PEG3: variants seen among roughly 807,000 people sequenced by gnomAD.
The protein encoded by PEG3 is paternally-expressed gene 3 protein.
A neutral mutation model predicts 35.5 loss-of-function variants in PEG3; 23 were observed. The observed-to-expected ratio is 0.65, with a 90% confidence interval of 0.47 to 0.92. The LOEUF is 0.92. Among genes scored for constraint, PEG3 ranks in the 40% least tolerant of loss-of-function variants. PEG3 has a pLI of 0.00. For missense variants in PEG3, 1,960 were observed against 1,985.3 expected (o/e 0.99, Z 0.24); for synonymous variants, 707 against 697.0 (o/e 1.01, Z -0.23).
Position 56,814,433 on chromosome 19 carries a change from A to C in PEG3, c.4009T>G (p.Cys1337Gly). 1.2e-6 allele frequency: 2 copies of C among 1,614,050 alleles called. No individual in the cohort carries two copies. The highest frequency in any genetic ancestry group is 1.7e-6 in the Non-Finnish European group (2 of 1,179,884). Residue 1337 changes from cysteine to glycine, a missense_variant, in exon 10 of 10, where the codon TGT becomes GGT. By Grantham distance (159) the Cys-to-Gly change is radical. Around this residue, in one of 5 missense-constraint regions of PEG3, gnomAD observed 416 missense variants for 416.7 expected, o/e 1.00. Coordinates refer to ENST00000326441, the MANE Select transcript of PEG3 (RefSeq NM_006210.3). The surrounding 1 kb of genome is among the most constrained non-coding windows in gnomAD (Gnocchi z 5.8). ...GAIPFYECKD[C>G]GKSFIHSTVL... ...GTGCTATGAATAAAGGACTTACCAC[A>C]ATCCTTGCATTCATAGAATGGTATA... is the stretch of plus-strand genomic sequence containing the variant.
At position 56,815,407 on chromosome 19, in the gene PEG3, G is replaced by A. The variant is rs757199235; in HGVS notation, c.3035C>T (p.Pro1012Leu). The A allele has an allele frequency of 1.9e-6, 3 of 1,614,164 alleles. No homozygotes were observed. The South Asian group carries it at 3.3e-5, about 18-fold the overall frequency. Residue 1012 changes from proline to leucine, a missense_variant, in exon 10 of 10, where the codon CCT (proline) becomes CTT (leucine). Coordinates refer to ENST00000326441, the MANE Select transcript of PEG3 (RefSeq NM_006210.3). ...YEWSVIRSLA[P>L]TDPQTSYAQE... ...GGCGTAACTTGTTTGAGGGTCAGTAGGGGCCAAGCTGCGAATGACAGACCA... is the reference window on the plus strand; with the variant it reads ...GGCGTAACTTGTTTGAGGGTCAGTAAGGGCCAAGCTGCGAATGACAGACCA...
rs575139140 is a variant in PEG3, at chr19:56,815,643, C to T, written c.2799G>A (p.Gln933=). The T allele has an allele frequency of 1.9e-6, 3 of 1,614,178 alleles. No individual in the cohort carries two copies. The highest frequency in any genetic ancestry group is 1.3e-5 in the African/African-American group (1 of 75,054). Residue 933 remains glutamine (Q), a synonymous_variant, in exon 10 of 10, where the codon CAG becomes CAA. Transcript: ENST00000326441. ...TGTATTTCTTTTTAGCACGAGCCTT[C>T]TGGTATTCACGGACATTTGAGCTGG... The part of the protein sequence containing the change: ...SVPSSNVREY[Q]KARAKKKYIE...
In PEG3 at chr19:56,824,669, AT is replaced by A. The variant is rs774707208; in HGVS notation, c.-15del. ...TGGAGGCAGCATTTCTCTAAGTAAA[AT>A]TTTCACTGGAGGAACCAAACATGAG... On this transcript the variant is annotated 5_prime_UTR_variant, in exon 4 of 10. An upstream open reading frame in the 5' UTR loses its in-frame stop. Transcript: ENST00000326441. 2.5e-6 allele frequency: 4 copies of A among 1,584,852 alleles called. No individual in the cohort carries two copies. The highest frequency in any genetic ancestry group is 1.8e-5 in the Admixed American group (1 of 56,050).
chr19:56,817,794 C>A lies in PEG3; in HGVS notation c.814G>T (p.Gly272Cys). The change falls in exon 9 of 10, where the codon GGC (glycine) becomes TGC (cysteine). Residue 272 changes from glycine (G) to cysteine (C), a missense_variant. Gly to Cys is a radical substitution (Grantham distance 159). Transcript: ENST00000326441. ...CTTCTCTTGGATCTTGATGAGTGGCCCTGCGTCATGTGGGAGTGGCCATCG... is the reference window on the plus strand; with the variant it reads ...CTTCTCTTGGATCTTGATGAGTGGCACTGCGTCATGTGGGAGTGGCCATCG... Reference protein sequence around the residue: ...EDDGHSHMTQGHSSRSKRSAY... With the variant: ...EDDGHSHMTQCHSSRSKRSAY... 1 of 1,614,074 alleles carries A rather than the reference C, an allele frequency of 6.2e-7. No individual in the cohort carries two copies. Among genetic ancestry groups the A allele is most frequent in the Non-Finnish European group, 8.5e-7 (1 of 1,180,026 alleles).
intron 2 of PEG3, among the ~76,000 whole-genome samples, chr19:56,830,190 T>C (rs2061445475): frequency 6.6e-6 from 1 of 152,244 alleles, no homozygotes; most frequent in Admixed American, 6.5e-5. Flanking sequence ...TCTATATTTT[T>C]ATAGGTGTTC....
chr19:56,821,625 T>C (rs1458788418), intron 7 of PEG3, 26 bp downstream of exon 7: 4 of 1,611,970 alleles, frequency 2.5e-6, no homozygotes, highest in South Asian at 2.2e-5. Context: ...ATGGCCTTTC[T>C]AGAAAGAGAG....
rs1216691775 is a variant in PEG3, at chr19:56,816,358, A to G, written c.2084T>C (p.Met695Thr). 1 of 1,614,194 alleles carries G rather than the reference A, an allele frequency of 6.2e-7. No individual in the cohort carries two copies. The highest frequency in any genetic ancestry group is 8.5e-7 in the Non-Finnish European group (1 of 1,180,032). The part of the protein sequence containing the change: ...CDFTDGRDAF[M>T]QSSELSEHQK... ...ATGCTCACTGAGCTCTGAGCTTTGCATGAAGGCATCCCGGCCATCTGTAAA... is the reference window on the plus strand; with the variant it reads ...ATGCTCACTGAGCTCTGAGCTTTGCGTGAAGGCATCCCGGCCATCTGTAAA... The change falls in exon 10 of 10, where the codon ATG becomes ACG. Residue 695 changes from methionine (M) to threonine (T), a missense_variant. By Grantham distance (81) the Met-to-Thr change is moderately conservative (BLOSUM62 -1). This residue lies in a region of PEG3 where 798 missense variants were observed against 782.4 expected (regional missense o/e 1.02). Coordinates refer to ENST00000326441, the MANE Select transcript of PEG3 (RefSeq NM_006210.3).
Position 56,813,584 on chromosome 19 carries a change from T to TA in PEG3, c.*90dup, listed in dbSNP as rs2059690458. ...TGTAACACACTAAGGTTAAGTCTCC[T>TA]ACTGACATTATCATGGATTGGTTTG... is the stretch of plus-strand genomic sequence containing the variant. On this transcript the variant is annotated 3_prime_UTR_variant, in exon 10 of 10. Transcript: ENST00000326441. 6.7e-7 allele frequency: 1 copy of TA among 1,489,750 alleles called. No individual in the cohort carries two copies. The highest frequency in any genetic ancestry group is 1.4e-5 in the African/African-American group (1 of 71,500). 92.3% of individuals were successfully genotyped at this position (1,489,750 alleles called of 1,614,324 possible). A position where few individuals can be genotyped will look rare whatever the true frequency, so the allele number is the denominator to read the frequency against.
chr19:56,819,780 A>C (rs1253366173), intron 7 of PEG3, among the ~76,000 whole-genome samples: 1 of 152,228 alleles, frequency 6.6e-6, no homozygotes, highest in African/African-American at 2.4e-5. Flanking sequence ...TGTAAAGGAA[A>C]TACAAATGTC....
chr19:56,822,410 G>A (rs2060583710), intron 6 of PEG3: 1 of 246,116 alleles, frequency 4.1e-6, no homozygotes, highest in African/African-American at 2.3e-5. Context: ...GTTACAATGT[G>A]TTTTTCATTC....
Position 56,814,295 on chromosome 19 carries a change from C to T in PEG3, c.4147G>A (p.Val1383Ile), listed in dbSNP as rs1304991919. Residue 1383 changes from valine (V) to isoleucine (I), a missense_variant, in exon 10 of 10, where the codon GTA (valine) becomes ATA (isoleucine). Val to Ile is a conservative substitution (Grantham distance 29). Transcript: ENST00000326441. The surrounding 1 kb of genome is among the most constrained non-coding windows in gnomAD (Gnocchi z 5.8). Reference protein sequence around the residue: ...EVEANVHVPQVVLRIQGLNVE... With the variant: ...EVEANVHVPQIVLRIQGLNVE... Reference sequence around the variant, plus strand: ...TTTAAGCCCTGAATCCTCAGAACTACTTGTGGAACATGGACATTGGCTTCA... The same window carrying T: ...TTTAAGCCCTGAATCCTCAGAACTATTTGTGGAACATGGACATTGGCTTCA... 1 of 1,614,014 alleles carries T rather than the reference C, an allele frequency of 6.2e-7. No individual in the cohort carries two copies. Among genetic ancestry groups the T allele is most frequent in the East Asian group, 2.2e-5 (1 of 44,876 alleles).
At chr19:56,830,720 T>C (rs2061495134) in intron 2 of PEG3, among the ~76,000 whole-genome samples, 1 of 152,120 alleles carries the variant, frequency 6.6e-6, no homozygotes, top group South Asian at 2.1e-4. Flanking sequence ...TCTCCATAAA[T>C]AAATTTAACA....
intron 2 of PEG3, among the ~76,000 whole-genome samples, chr19:56,834,371 C>T (rs1391635560): frequency 2.0e-5 from 3 of 152,108 alleles, no homozygotes; most frequent in Admixed American, 6.5e-5. Context: ...GACAAACCAG[C>T]GCTATTAAAG....
Position 56,810,226 on chromosome 19 carries a change from TG to T in PEG3, c.*3448del, listed in dbSNP as rs2048028360. 6.1e-6 allele frequency: 6 copies of T among 983,210 alleles called. No individual in the cohort carries two copies. The highest frequency in any genetic ancestry group is 7.2e-6 in the Non-Finnish European group (6 of 827,928). 60.9% of individuals were successfully genotyped at this position (983,210 alleles called of 1,614,324 possible). A position where few individuals can be genotyped will look rare whatever the true frequency, so the allele number is the denominator to read the frequency against. ...CCACACTCTTTGGATGGTGAAAACATGGGTGAGTTTCTCTTCTACATTTCTG... is the reference window on the plus strand; with the variant it reads ...CCACACTCTTTGGATGGTGAAAACATGGTGAGTTTCTCTTCTACATTTCTG... On this transcript the variant is annotated 3_prime_UTR_variant, in exon 10 of 10. Transcript: ENST00000326441.
rs370399241 is a variant in PEG3, at chr19:56,824,291, T to C, written c.365A>G (p.Glu122Gly). 2.5e-6 allele frequency: 4 copies of C among 1,613,934 alleles called. No individual in the cohort carries two copies. Among genetic ancestry groups the C allele is most frequent in the Non-Finnish European group, 3.4e-6 (4 of 1,180,038 alleles). ...ENCEKLVTLL[E>G]NYKEMYQPED... ...TGGTTGGTACATCTCCTTGTAATTC[T>C]CCAGCAGAGTGACGAGCTTCTCACA... The change falls in exon 4 of 10, where the codon GAG (glutamate) becomes GGG (glycine). Residue 122 changes from glutamate (E) to glycine (G), a missense_variant. Transcript: ENST00000326441.
intron 1 of PEG3, among the ~76,000 whole-genome samples, chr19:56,838,454 G>A (rs543097338): frequency 2.0e-5 from 3 of 152,112 alleles, no homozygotes; most frequent in Non-Finnish European, 4.4e-5. Context: ...GAACGGTCCC[G>A]GGCCCCAGCC....
chr19:56,837,136 T>C (rs1377572279), intron 1 of PEG3, among the ~76,000 whole-genome samples: 1 of 152,112 alleles, frequency 6.6e-6, no homozygotes, highest in Non-Finnish European at 1.5e-5. Context: ...GTAGGAGAGC[T>C]AGGGCTGGGA....
Position 56,817,533 on chromosome 19 carries a change from C to T in PEG3, c.909G>A (p.Gly303=). The T allele has an allele frequency of 6.2e-7, 1 of 1,602,728 alleles. No homozygotes were observed. Among genetic ancestry groups the T allele is most frequent in the African/African-American group, 1.3e-5 (1 of 74,550 alleles). The change falls in exon 10 of 10, where the codon GGG becomes GGA. Residue 303 remains glycine (G), a synonymous_variant. Coordinates refer to ENST00000326441, the MANE Select transcript of PEG3 (RefSeq NM_006210.3). ...PEAKKSTHRR[G]ICEDESSHGV... is the part of the protein sequence containing the mutation. ...CGTGGGAAGATTCATCTTCACAAATCCCCCGCCGGTGGGTTGATTTTTTGG... is the reference window on the plus strand; with the variant it reads ...CGTGGGAAGATTCATCTTCACAAATTCCCCGCCGGTGGGTTGATTTTTTGG...
Position 56,814,329 on chromosome 19 carries a change from GGCTGCTGCTGCTGCAGCT to G in PEG3, c.4095_4112del (p.Ala1366_Ala1371del). ...CATGGACATTGGCTTCAACTTCCTGGGCTGCTGCTGCTGCAGCTGCTGCTGCTTCATCTTCTTCTTCTT... is the reference window on the plus strand; with the variant it reads ...CATGGACATTGGCTTCAACTTCCTGGGCTGCTGCTTCATCTTCTTCTTCTT... On this transcript the variant is annotated inframe_deletion, in exon 10 of 10. Transcript: ENST00000326441. This position sits in a 1 kb window ranked among gnomAD's most constrained non-coding sequence, Gnocchi z 5.8. 6.2e-7 allele frequency: 1 copy of G among 1,613,852 alleles called. No individual in the cohort carries two copies. The highest frequency in any genetic ancestry group is 2.2e-5 in the East Asian group (1 of 44,868).
Sources: gnomAD v4.1 joint callset for allele counts (sites outside exome capture counted in the v4.1 genomes callset) on GRCh38, gnomAD v4.1.1 for gene constraint, gnomAD v4.1.1 regional missense constraint, Gnocchi (gnomAD v3.1) non-coding constraint, MANE v1.5 for transcripts, NCBI Gene and HGNC (gene_info 2026-07-23, HGNC 2026-07-21) for gene names.